The following ALG9 variants were observed in gnomAD, a reference collection of about 807,000 sequenced individuals.
The protein encoded by ALG9 is alpha-1,2-mannosyltransferase ALG9.
A neutral mutation model predicts 81.8 loss-of-function variants in ALG9; 55 were observed. The observed-to-expected ratio is 0.67, with a 90% CI of 0.54 to 0.84. The LOEUF (loss-of-function observed/expected upper bound fraction) is 0.84. ALG9 is among the 40% of genes least tolerant of loss of function. ALG9 has a pLI of 0.00. For missense variants in ALG9, 629 were observed against 745.0 expected (o/e 0.84, Z 1.81); for synonymous variants, 278 against 274.3 (o/e 1.01, Z -0.13).
rs1477879260 is a variant in ALG9 at position 111,857,699 on chromosome 11, T to G, written c.604A>C (p.Ile202Leu). ...PSSFCMYTTL[I>L]AMTGWYMDKT... The stretch of plus-strand genomic sequence containing the variant: ...TCCATATACCATCCAGTCATGGCTA[T>G]CAACGTAGTGTACATACAGAAGCTA... The change falls in exon 6 of 15, where the codon ATA becomes CTA. Residue 202 changes from isoleucine to leucine, a missense_variant. Physicochemically the swap from Ile to Leu is conservative, Grantham distance 5 (BLOSUM62 2). Coordinates refer to ENST00000616540, the MANE Select transcript of ALG9 (RefSeq NM_024740.2). The G allele has an allele frequency of 6.2e-7, 1 of 1,614,020 alleles. No homozygotes were observed. The highest frequency in any genetic ancestry group is 1.3e-5 in the African/African-American group (1 of 74,900).
intron 4 of ALG9, 134 bp downstream of exon 4, chr11:111,865,047 G>A (rs1409558877): frequency 1.6e-6 from 1 of 614,646 alleles, no homozygotes; most frequent in Non-Finnish European, 2.7e-6. Flanking sequence ...AAAGTGCTGG[G>A]ATTACAGGTG....
chr11:111,797,321 A>G (rs1948445899), intron 14 of ALG9, among the ~76,000 whole-genome samples: 2 of 152,236 alleles, frequency 1.3e-5, no homozygotes, highest in African/African-American at 4.8e-5. Flanking sequence ...TGCTATAAGG[A>G]AGCCCAAGCC....
chr11:111,794,990 T>A (rs1386802653), intron 14 of ALG9, among the ~76,000 whole-genome samples: 2 of 152,154 alleles, frequency 1.3e-5, no homozygotes, highest in African/African-American at 2.4e-5. Context: ...TATTTAATAG[T>A]TTTTAACAGG....
downstream of ALG9, among the ~76,000 whole-genome samples, chr11:111,778,879 A>T (rs1591730932): frequency 6.7e-6 from 1 of 149,370 alleles, no homozygotes; most frequent in Non-Finnish European, 1.5e-5. Flanking sequence ...CAAGGATGCT[A>T]CCTTGGTTCG....
chr11:111,789,312 C>CA (rs1591787429), intron 14 of ALG9, among the ~76,000 whole-genome samples: 1 of 151,968 alleles, frequency 6.6e-6, no homozygotes. Flanking sequence ...AGTGCAGTGG[C>CA]ATGATCATAG....
intron 14 of ALG9, among the ~76,000 whole-genome samples, chr11:111,807,988 T>C (rs1278590484): frequency 1.3e-5 from 2 of 152,148 alleles, no homozygotes; most frequent in Non-Finnish European, 2.9e-5. Flanking sequence ...GAGGACTGCT[T>C]GAGCCCAGGA....
At chr11:111,788,700 C>T (rs922687875) in intron 14 of ALG9, 17 of 343,882 alleles carry the variant, frequency 4.9e-5, no homozygotes, top group African/African-American at 3.3e-4. Context: ...CTGCAGTGAG[C>T]TGTGATCATG....
chr11:111,803,458 G>A (rs1462978370), intron 14 of ALG9, among the ~76,000 whole-genome samples: 3 of 150,704 alleles, frequency 2.0e-5, no homozygotes, highest in South Asian at 2.1e-4. Context: ...CCAAGATCAC[G>A]GCACTGCACT....
rs1955655987 is a variant in ALG9 at position 111,838,270 on chromosome 11, G to A, written c.1303C>T (p.Arg435Cys). 2.5e-6 allele frequency: 4 copies of A among 1,613,994 alleles called. No individual in the cohort carries two copies. The highest frequency in any genetic ancestry group is 2.2e-5 in the East Asian group (1 of 44,888). ...CTACCTCTGAACAGTGCCACAGAGC[G>A]AGAAAATGACAAGAGCCCAAACAGG... Reference protein sequence around the residue: ...VFLFGLLSFSRSVALFRGYHG... With the variant: ...VFLFGLLSFSCSVALFRGYHG... The change falls in exon 11 of 15, where the codon CGC (arginine) becomes TGC (cysteine). Residue 435 changes from arginine to cysteine, a missense_variant. Physicochemically the swap from Arg to Cys is radical, Grantham distance 180. This residue lies in a region of ALG9 where 264 missense variants were observed against 302.2 expected (regional missense o/e 0.87). Transcript: ENST00000616540.
intron 13 of ALG9, among the ~76,000 whole-genome samples, chr11:111,833,983 A>T (rs1555115225): frequency 1.3e-5 from 2 of 152,388 alleles, no homozygotes; most frequent in Non-Finnish European, 2.9e-5. Flanking sequence ...AATATTCATT[A>T]TCCACTGAGA....
chr11:111,829,656 T>A (rs1214091193), intron 13 of ALG9, among the ~76,000 whole-genome samples: 1 of 152,206 alleles, frequency 6.6e-6, no homozygotes, highest in Non-Finnish European at 1.5e-5. Context: ...ATCCCAATAA[T>A]AAAAGATGTG....
intron 14 of ALG9, among the ~76,000 whole-genome samples, chr11:111,805,718 C>A (rs1048613253): frequency 1.3e-5 from 2 of 152,268 alleles, no homozygotes; most frequent in East Asian, 3.9e-4. Flanking sequence ...TCACATGAAA[C>A]GGTAATGGGA....
chr11:111,853,300 G>T, intron 8 of ALG9, 80 bp downstream of exon 8: 2 of 925,050 alleles, frequency 2.2e-6, no homozygotes, highest in East Asian at 2.5e-5. Flanking sequence ...CTAATAATAC[G>T]AGGCAACTGA....
intron 13 of ALG9, among the ~76,000 whole-genome samples, chr11:111,813,321 G>T (rs561260848): frequency 6.6e-6 from 1 of 152,264 alleles, no homozygotes; most frequent in Non-Finnish European, 1.5e-5. Flanking sequence ...ACACATTAAG[G>T]CCAGGAGCAG....
chr11:111,780,745 A>G (rs1591738696), downstream of ALG9, among the ~76,000 whole-genome samples: 1 of 152,176 alleles, frequency 6.6e-6, no homozygotes, highest in East Asian at 1.9e-4. Context: ...TGAGAGCAAC[A>G]GTTTGTACAT....
At chr11:111,839,085 A>G (rs1477451211) in intron 10 of ALG9, among the ~76,000 whole-genome samples, 1 of 152,214 alleles carries the variant, frequency 6.6e-6, no homozygotes, top group Non-Finnish European at 1.5e-5. Flanking sequence ...CAATCTAAAT[A>G]TCTAAATGAA....
At chr11:111,778,918 G>A (rs927141715), downstream of ALG9, among the ~76,000 whole-genome samples, 23 of 151,548 alleles carry the variant, frequency 1.5e-4, no homozygotes, top group South Asian at 3.3e-3. Context: ...AGATTCAAGC[G>A]ATTCTCCTGC....
intron 11 of ALG9, 97 bp downstream of exon 11, chr11:111,838,152 A>G (rs1389117443): frequency 1.4e-6 from 2 of 1,432,018 alleles, no homozygotes; most frequent in Admixed American, 1.9e-5. Context: ...ATGGCTTCTT[A>G]GTATAAGCCA....
intron 13 of ALG9, among the ~76,000 whole-genome samples, chr11:111,832,963 T>C (rs1164889659): frequency 1.3e-5 from 2 of 152,074 alleles, no homozygotes; most frequent in Non-Finnish European, 2.9e-5. Context: ...ACCCAGGAAT[T>C]TGAGGTTACA....
Sources: gnomAD v4.1 joint callset for allele counts (sites outside exome capture counted in the v4.1 genomes callset) on GRCh38, gnomAD v4.1.1 for gene constraint, gnomAD v4.1.1 regional missense constraint, MANE v1.5 for transcripts, NCBI Gene and HGNC (gene_info 2026-07-23, HGNC 2026-07-21) for gene names.